DLGAP1: variants seen among roughly 807,000 people sequenced by gnomAD.
DLGAP1 encodes DLG associated protein 1, also known as disks large-associated protein 1.
In DLGAP1, 11 loss-of-function variants were observed where a neutral mutation model predicts 90.8. That is an observed-to-expected ratio of 0.12 (90% CI 0.08 to 0.20). The LOEUF (loss-of-function observed/expected upper bound fraction) is 0.20, where lower values mean the gene tolerates loss of function less well. Among genes scored for constraint, DLGAP1 ranks in the 10% least tolerant of loss-of-function variants. The pLI, the probability that DLGAP1 is intolerant of heterozygous loss-of-function variation, is 1.00. For synonymous variants in DLGAP1, 558 were observed against 540.7 expected, an observed-to-expected ratio of 1.03 and a Z score of -0.44; for missense variants, 1,050 against 1,333.8, an observed-to-expected ratio of 0.79 and a Z score of 3.31.
chr18:3,955,699 A>AGT (rs2073071050), intron 3 of DLGAP1, among the ~76,000 whole-genome samples: 1 of 151,836 alleles, frequency 6.6e-6, no homozygotes, highest in African/African-American at 2.4e-5. Flanking sequence ...GGGCAAAAAG[A>AGT]GTGAAACTCC....
At chr18:3,783,003 A>T (rs1163928270) in intron 5 of DLGAP1, among the ~76,000 whole-genome samples, 1 of 152,234 alleles carries the variant, frequency 6.6e-6, no homozygotes, top group Admixed American at 6.5e-5. Flanking sequence ...ATTTGAATAG[A>T]TATTTCTCCA....
intron 1 of DLGAP1, among the ~76,000 whole-genome samples, chr18:4,366,698 C>A (rs4503893): frequency 6.6e-6 from 1 of 151,438 alleles, no homozygotes; most frequent in African/African-American, 2.4e-5. Context: ...TACCTCCCAA[C>A]GTCCATGGAA....
rs556022529 is a variant in DLGAP1 at position 3,509,049 on chromosome 18, G to C, written c.2480-388C>G. 2.6e-5 allele frequency among the ~76,000 whole-genome samples: 4 copies of C among 151,736 alleles called. No individual in the cohort carries two copies. The South Asian group carries it at 8.3e-4, about 32-fold the overall frequency. On this transcript the variant is annotated intron_variant, in intron 10 of 12. Coordinates refer to ENST00000315677, the MANE Select transcript of DLGAP1 (RefSeq NM_004746.4). ...TCAAGTGTTTACCAGTATAGCTCTGGATTGATGGAGTCAGCCGTCATGGTC... is the reference window on the plus strand; with the variant it reads ...TCAAGTGTTTACCAGTATAGCTCTGCATTGATGGAGTCAGCCGTCATGGTC...
At chr18:3,769,965 A>C (rs1056507322) in intron 5 of DLGAP1, 1 of 152,172 alleles carries the variant, frequency 6.6e-6, no homozygotes, top group African/African-American at 2.4e-5. Context: ...TTTTAATTAA[A>C]AAAATCCCAC....
chr18:3,732,904 T>C (rs2062495440), intron 6 of DLGAP1, among the ~76,000 whole-genome samples: 2 of 152,172 alleles, frequency 1.3e-5, no homozygotes, highest in South Asian at 4.1e-4. Flanking sequence ...ATCATTGTTC[T>C]TAGGCCTTTT....
At position 4,356,333 on chromosome 18, in the gene DLGAP1, A is replaced by G. The variant is rs1167519727; in HGVS notation, c.-267+98673T>C. 2.0e-5 allele frequency among the ~76,000 whole-genome samples: 3 copies of G among 152,100 alleles called. No homozygotes were observed. In the East Asian group the frequency reaches 5.8e-4, roughly 29 times the overall value. ...TACCTCTAGTCCAGTCTCTTCCCTG[A>G]ATCTTAGACTTGTATCTAACAGCCA... On this transcript the variant is annotated intron_variant, in intron 1 of 12. Transcript: ENST00000315677.
intron 3 of DLGAP1, among the ~76,000 whole-genome samples, chr18:3,973,005 G>A (rs1474490641): frequency 1.3e-5 from 2 of 152,210 alleles, no homozygotes; most frequent in African/African-American, 2.4e-5. Context: ...GCTCAAGTAA[G>A]CAAAGCCTTT....
In DLGAP1 at chr18:4,452,661, T is replaced by C. The variant is rs2083863761; in HGVS notation, c.-267+2345A>G. On this transcript the variant is annotated intron_variant, in intron 1 of 12. Transcript: ENST00000315677. Reference sequence around the variant, plus strand: ...ATTTCTCTATATGCGCTACATAATATTTTGGAAGGAAGGTCTTGTCTCCAT... The same window carrying C: ...ATTTCTCTATATGCGCTACATAATACTTTGGAAGGAAGGTCTTGTCTCCAT... 2.0e-5 allele frequency among the ~76,000 whole-genome samples: 3 copies of C among 152,188 alleles called. No individual in the cohort carries two copies. In the South Asian group the frequency reaches 6.2e-4, roughly 31 times the overall value.
At chr18:4,317,845 T>G (rs1389744556) in intron 1 of DLGAP1, among the ~76,000 whole-genome samples, 4 of 152,214 alleles carry the variant, frequency 2.6e-5, no homozygotes, top group African/African-American at 9.6e-5. Flanking sequence ...AAAGCTTTCC[T>G]TTTCTTTCTC....
chr18:4,085,264 A>G (rs993795630), intron 2 of DLGAP1, among the ~76,000 whole-genome samples: 1 of 152,198 alleles, frequency 6.6e-6, no homozygotes, highest in Non-Finnish European at 1.5e-5. Context: ...CAAGGCAGAA[A>G]AAAAATGTGG....
intron 4 of DLGAP1, among the ~76,000 whole-genome samples, chr18:3,851,533 T>G (rs1239225289): frequency 1.3e-5 from 2 of 152,200 alleles, no homozygotes; most frequent in Non-Finnish European, 2.9e-5. Context: ...TTTGATTTCC[T>G]AGGAAAATTC....
chr18:3,739,076 A>G, intron 6 of DLGAP1, among the ~76,000 whole-genome samples: 1 of 139,494 alleles, frequency 7.2e-6, no homozygotes. Context: ...CCACAATGAG[A>G]TACCATCTCA....
At position 3,591,020 on chromosome 18, in the gene DLGAP1, C is replaced by T. The variant is rs1238664331; in HGVS notation, c.1592-8772G>A. Among the ~76,000 whole-genome samples, 5 of 152,130 alleles carry T rather than the reference C, an allele frequency of 3.3e-5. No individual in the cohort carries two copies. In the East Asian group the frequency reaches 7.7e-4, roughly 24 times the overall value. On this transcript the variant is annotated intron_variant, in intron 7 of 12. Transcript: ENST00000315677. ...TTTTGTATGTCTTAAAAAAAAAGTC[C>T]TCTTTCTAGTAATTCTTTTTTGTTG...
At chr18:3,540,635 A>C (rs946147117) in intron 9 of DLGAP1, among the ~76,000 whole-genome samples, 3 of 152,100 alleles carry the variant, frequency 2.0e-5, no homozygotes, top group African/African-American at 7.2e-5. Context: ...CCTACCCTCC[A>C]TTTATATACG....
chr18:4,344,027 G>A (rs929414726), intron 1 of DLGAP1, among the ~76,000 whole-genome samples: 7 of 152,146 alleles, frequency 4.6e-5, no homozygotes, highest in Non-Finnish European at 5.9e-5. Flanking sequence ...GTGAAAAGGT[G>A]TCCTGAGATT....
At chr18:3,647,020 G>T (rs1307744421) in intron 7 of DLGAP1, among the ~76,000 whole-genome samples, 1 of 152,072 alleles carries the variant, frequency 6.6e-6, no homozygotes, top group Non-Finnish European at 1.5e-5. Flanking sequence ...AGGCTGAGGT[G>T]GGTGGATCAT....
chr18:4,245,229 T>C (rs1196579168), intron 1 of DLGAP1, among the ~76,000 whole-genome samples: 6 of 152,238 alleles, frequency 3.9e-5, no homozygotes, highest in Non-Finnish European at 7.3e-5. Context: ...ATCAGTATAA[T>C]AGTATTCTGT....
intron 3 of DLGAP1, among the ~76,000 whole-genome samples, chr18:3,916,816 G>A (rs1408253709): frequency 6.6e-6 from 1 of 152,188 alleles, no homozygotes; most frequent in Non-Finnish European, 1.5e-5. Flanking sequence ...GCATGGAGGA[G>A]AGGGTGGAAA....
chr18:3,506,815 G>C (rs1413330312), intron 11 of DLGAP1, among the ~76,000 whole-genome samples: 1 of 152,150 alleles, frequency 6.6e-6, no homozygotes, highest in Non-Finnish European at 1.5e-5. Flanking sequence ...ATTGAGATCT[G>C]TGACACATTA....
Sources: allele counts gnomAD v4.1 joint callset (sites outside exome capture counted in the v4.1 genomes callset), GRCh38; gene constraint gnomAD v4.1.1; transcripts MANE v1.5; gene names NCBI Gene and HGNC (gene_info 2026-07-23, HGNC 2026-07-21).